Variants in SEL1L3 observed in about 807,000 individuals in gnomAD.
SEL1L3 encodes the protein protein sel-1 homolog 3.
In SEL1L3, 76 loss-of-function variants were observed where a neutral mutation model predicts 142.8. The ratio of observed to expected loss-of-function variants is 0.53; its 90% CI spans 0.44 to 0.64. The LOEUF (loss-of-function observed/expected upper bound fraction) is 0.64. Ranked by LOEUF, SEL1L3 falls within the 30% of genes least tolerant of loss-of-function variation. The probability of loss-of-function intolerance (pLI) is 0.00; values close to 1 mark genes in which losing one functional copy is unlikely to be tolerated. For synonymous variants in SEL1L3, 504 were observed against 519.6 expected, an observed-to-expected ratio of 0.97 and a Z score of 0.41; for missense variants, 1,262 against 1,381.7, an observed-to-expected ratio of 0.91 and a Z score of 1.37.
rs1717538672 is a variant in SEL1L3 at position 25,750,695 on chromosome 4, G to GCTA, written c.3260-2134_3260-2132dup. On this transcript the variant is annotated intron_variant, in intron 23 of 23. Coordinates refer to ENST00000399878, the MANE Select transcript of SEL1L3 (RefSeq NM_015187.5). ...CTCATGAAATCTCTCTGACTATAAG[G>GCTA]CTACTGCTTTCTTCATAAGCACTAC... Among the ~76,000 whole-genome samples, 3 of 152,086 alleles carry GCTA rather than the reference G, an allele frequency of 2.0e-5. No homozygotes were observed. The South Asian group carries it at 6.2e-4, about 32-fold the overall frequency.
chr4:25,856,477 C>T (rs1344085825), intron 1 of SEL1L3, among the ~76,000 whole-genome samples: 1 of 151,914 alleles, frequency 6.6e-6, no homozygotes, highest in Non-Finnish European at 1.5e-5. Context: ...ATGCTTGAGC[C>T]CTCAAATATG....
At chr4:25,828,150 C>T (rs975406059) in intron 6 of SEL1L3, among the ~76,000 whole-genome samples, 8 of 152,162 alleles carry the variant, frequency 5.3e-5, no homozygotes, top group East Asian at 1.9e-4. Context: ...GCTATTAAGC[C>T]ACCCGCACCC....
the SEL1L3 span, among the ~76,000 whole-genome samples, chr4:25,717,339 A>AT: frequency 6.6e-6 from 1 of 152,140 alleles, no homozygotes; most frequent in Non-Finnish European, 1.5e-5. Context: ...GTTATGGGAT[A>AT]TTTTTTGTGG....
chr4:25,850,301 T>C (rs1170670797), intron 1 of SEL1L3, among the ~76,000 whole-genome samples: 1 of 152,144 alleles, frequency 6.6e-6, no homozygotes, highest in Non-Finnish European at 1.5e-5. Flanking sequence ...AGGCTAACAA[T>C]TCATACAAAA....
intron 15 of SEL1L3, among the ~76,000 whole-genome samples, chr4:25,779,969 G>A (rs184222505): frequency 6.6e-6 from 1 of 152,264 alleles, no homozygotes; most frequent in East Asian, 1.9e-4. Context: ...AAGGGTTGTT[G>A]TAAGGATTAA....
chr4:25,857,975 CTG>C (rs1212778335), intron 1 of SEL1L3, among the ~76,000 whole-genome samples: 3 of 152,278 alleles, frequency 2.0e-5, no homozygotes, highest in African/African-American at 7.2e-5. Context: ...CAGGTAGAGA[CTG>C]GAAACAAGGC....
At chr4:25,717,324 G>T in the SEL1L3 span, among the ~76,000 whole-genome samples, 4 of 152,174 alleles carry the variant, frequency 2.6e-5, no homozygotes, top group Non-Finnish European at 5.9e-5. Flanking sequence ...GAGTAGGGAA[G>T]AATGGTTATG....
At chr4:25,851,885 C>T (rs1239002341) in intron 1 of SEL1L3, among the ~76,000 whole-genome samples, 2 of 106,508 alleles carry the variant, frequency 1.9e-5, no homozygotes, top group Non-Finnish European at 3.5e-5. Context: ...GAGACTCTGT[C>T]TCAAAAAAAA....
At chr4:25,736,845 C>T in the SEL1L3 span, among the ~76,000 whole-genome samples, 1 of 122,378 alleles carries the variant, frequency 8.2e-6, no homozygotes, top group Non-Finnish European at 1.9e-5. Context: ...TATATATATT[C>T]CATCCTACTG....
intron 16 of SEL1L3, among the ~76,000 whole-genome samples, chr4:25,776,880 G>C (rs549163981): frequency 1.3e-5 from 2 of 151,192 alleles, no homozygotes; most frequent in African/African-American, 4.9e-5. Context: ...GGTAAGAAAA[G>C]AGATTAAAAA....
chr4:25,738,262 G>T, the SEL1L3 span, among the ~76,000 whole-genome samples: 1 of 152,116 alleles, frequency 6.6e-6, no homozygotes, highest in African/African-American at 2.4e-5. Context: ...GGGTATGGAG[G>T]GGATGACTAT....
intron 2 of SEL1L3, among the ~76,000 whole-genome samples, chr4:25,845,180 A>C (rs1716429683): frequency 6.6e-6 from 1 of 152,222 alleles, no homozygotes; most frequent in African/African-American, 2.4e-5. Context: ...GTGAGGATAC[A>C]CAGGGACCCT....
intron 2 of SEL1L3, among the ~76,000 whole-genome samples, chr4:25,838,958 A>G (rs1242192855): frequency 1.3e-5 from 2 of 152,250 alleles, no homozygotes; most frequent in Non-Finnish European, 2.9e-5. Context: ...TGCTTCGAAC[A>G]CACAGCAATG....
At chr4:25,750,300 C>T (rs896931217) in intron 23 of SEL1L3, among the ~76,000 whole-genome samples, 3 of 151,802 alleles carry the variant, frequency 2.0e-5, no homozygotes, top group Admixed American at 6.6e-5. Context: ...TTTCAGCTAC[C>T]GGCTGAGTGG....
At chr4:25,810,662 CCAAT>C (rs1713957641) in intron 9 of SEL1L3, among the ~76,000 whole-genome samples, 3 of 152,178 alleles carry the variant, frequency 2.0e-5, no homozygotes, top group Admixed American at 1.3e-4. Flanking sequence ...TAGAATTTGA[CCAAT>C]CAGAGTCCCC....
At chr4:25,738,755 GTTTTA>G in the SEL1L3 span, among the ~76,000 whole-genome samples, 7 of 152,268 alleles carry the variant, frequency 4.6e-5, no homozygotes, top group Non-Finnish European at 7.4e-5. Context: ...CTCTGCTCTT[GTTTTA>G]TTTTAATATT....
chr4:25,784,206 T>C (rs768609384), intron 14 of SEL1L3, 22 bp downstream of exon 14: 6 of 1,597,904 alleles, frequency 3.8e-6, no homozygotes, highest in Non-Finnish European at 5.1e-6. Context: ...ACTGTTTCCC[T>C]CTGACAATAT....
chr4:25,843,699 G>A (rs1168513625), intron 2 of SEL1L3, among the ~76,000 whole-genome samples: 1 of 152,234 alleles, frequency 6.6e-6, no homozygotes, highest in Non-Finnish European at 1.5e-5. Context: ...TGCACCGGGG[G>A]CATGTGGCCG....
At chr4:25,749,339 A>G (rs1157957148) in intron 23 of SEL1L3, among the ~76,000 whole-genome samples, 1 of 152,222 alleles carries the variant, frequency 6.6e-6, no homozygotes, top group Non-Finnish European at 1.5e-5. Context: ...CACCATGGTA[A>G]CAAGATAAAT....
Sources: gnomAD v4.1 joint callset for allele counts (sites outside exome capture counted in the v4.1 genomes callset) on GRCh38, gnomAD v4.1.1 for gene constraint, MANE v1.5 for transcripts, NCBI Gene and HGNC (gene_info 2026-07-23, HGNC 2026-07-21) for gene names.